The following TMEM117 variants were observed in gnomAD, a reference collection of about 807,000 sequenced individuals.
The protein encoded by TMEM117 is transmembrane protein 117.
TMEM117 carries 27 observed loss-of-function variants against 52.4 expected under a neutral mutation model. That is an observed-to-expected ratio of 0.51 (90% CI 0.38 to 0.71). The LOEUF (loss-of-function observed/expected upper bound fraction) is 0.71. Among genes scored for constraint, TMEM117 ranks in the 30% least tolerant of loss-of-function variants. TMEM117 has a pLI of 0.00. For synonymous variants in TMEM117, 215 were observed against 206.3 expected (o/e 1.04, Z -0.36); for missense variants, 556 against 630.5 (o/e 0.88, Z 1.26).
chr12:44,197,545 G>T (rs1486934182), intron 4 of TMEM117, among the ~76,000 whole-genome samples: 1 of 152,050 alleles, frequency 6.6e-6, no homozygotes, highest in East Asian at 1.9e-4. Flanking sequence ...CTGGCTTCTT[G>T]CTCAGCAAAA....
chr12:43,951,391 G>A (rs1200300557), intron 3 of TMEM117, among the ~76,000 whole-genome samples: 1 of 152,180 alleles, frequency 6.6e-6, no homozygotes, highest in Non-Finnish European at 1.5e-5. Context: ...AAGAACCACT[G>A]GCTTGAAATC....
At chr12:43,981,949 G>T (rs905145726) in intron 3 of TMEM117, among the ~76,000 whole-genome samples, 1 of 151,966 alleles carries the variant, frequency 6.6e-6, no homozygotes, top group African/African-American at 2.4e-5. Context: ...TTGCACAGTA[G>T]GGTCATGATG....
chr12:44,207,361 A>G (rs892475305), intron 4 of TMEM117, among the ~76,000 whole-genome samples: 4 of 152,188 alleles, frequency 2.6e-5, no homozygotes, highest in African/African-American at 7.2e-5. Context: ...CGTGGGAATT[A>G]GCTTGTAATC....
At chr12:44,090,582 A>G (rs1947649152) in intron 3 of TMEM117, among the ~76,000 whole-genome samples, 2 of 151,690 alleles carry the variant, frequency 1.3e-5, no homozygotes, top group Admixed American at 6.6e-5. Flanking sequence ...GATTACAGGC[A>G]TGTGCCACCA....
At chr12:44,319,133 C>G (rs1193401769) in intron 6 of TMEM117, among the ~76,000 whole-genome samples, 1 of 152,188 alleles carries the variant, frequency 6.6e-6, no homozygotes, top group Non-Finnish European at 1.5e-5. Flanking sequence ...TACTCAGCAC[C>G]AGAGCAAGCT....
intron 6 of TMEM117, among the ~76,000 whole-genome samples, chr12:44,344,304 G>A (rs1346998604): frequency 6.6e-6 from 1 of 152,120 alleles, no homozygotes; most frequent in African/African-American, 2.4e-5. Flanking sequence ...AGACTGAACA[G>A]ACACCCAGGG....
chr12:44,129,328 A>G (rs1948377558), intron 3 of TMEM117, among the ~76,000 whole-genome samples: 1 of 152,134 alleles, frequency 6.6e-6, no homozygotes, highest in Non-Finnish European at 1.5e-5. Context: ...ATTCTTCTGT[A>G]GCGCTGGGCC....
chr12:44,071,628 G>C (rs1405226008), intron 3 of TMEM117, among the ~76,000 whole-genome samples: 4 of 152,126 alleles, frequency 2.6e-5, no homozygotes, highest in Non-Finnish European at 4.4e-5. Context: ...ATCTAGTTGT[G>C]TTCTGCTTAT....
intron 4 of TMEM117, among the ~76,000 whole-genome samples, chr12:44,188,698 C>T (rs920915658): frequency 1.3e-5 from 2 of 152,120 alleles, no homozygotes; most frequent in Non-Finnish European, 2.9e-5. Flanking sequence ...TTGCAACCAT[C>T]CCCCTCCTCT....
rs1952131148 is a variant in TMEM117, at chr12:44,388,699, C to T, written c.*27C>T. 3 of 1,596,986 alleles carry T rather than the reference C, an allele frequency of 1.9e-6. No individual in the cohort carries two copies. The South Asian group carries it at 3.4e-5, about 18-fold the overall frequency. On this transcript the variant is annotated 3_prime_UTR_variant, in exon 8 of 8. Coordinates refer to ENST00000266534, the MANE Select transcript of TMEM117 (RefSeq NM_032256.3). Reference sequence around the variant, plus strand: ...CTCGGAGATAGACTTGGAGATAACACAAAAAGCAACCTTGAGTGTAACTTT... The same window carrying T: ...CTCGGAGATAGACTTGGAGATAACATAAAAAGCAACCTTGAGTGTAACTTT...
chr12:44,142,450 C>A (rs1309773039), intron 3 of TMEM117, among the ~76,000 whole-genome samples: 1 of 151,960 alleles, frequency 6.6e-6, no homozygotes, highest in Non-Finnish European at 1.5e-5. Context: ...GATAACAGAA[C>A]CATCTGAAAT....
intron 3 of TMEM117, among the ~76,000 whole-genome samples, chr12:44,056,125 G>A (rs971933087): frequency 1.5e-4 from 22 of 151,374 alleles, no homozygotes; most frequent in Admixed American, 3.3e-4. Flanking sequence ...TTAGAGATAC[G>A]TTCTTGCTCT....
chr12:43,808,871 G>A, the TMEM117 span, among the ~76,000 whole-genome samples: 3 of 149,646 alleles, frequency 2.0e-5, no homozygotes, highest in African/African-American at 7.4e-5. Context: ...CTGACTGACT[G>A]ATGCTCTGTG....
At chr12:43,974,566 G>A (rs763228735) in intron 3 of TMEM117, among the ~76,000 whole-genome samples, 39 of 152,212 alleles carry the variant, frequency 2.6e-4, no homozygotes, top group Middle Eastern at 3.4e-3. Flanking sequence ...CTGATAGTGA[G>A]AAGACTGCTC....
intron 2 of TMEM117, among the ~76,000 whole-genome samples, chr12:43,924,016 A>G (rs1242290950): frequency 1.2e-4 from 19 of 152,216 alleles, no homozygotes; most frequent in Admixed American, 1.2e-3. Flanking sequence ...CACAGAGCCT[A>G]GAACACAGCA....
At chr12:44,278,649 G>A (rs1015290117) in intron 5 of TMEM117, among the ~76,000 whole-genome samples, 7 of 152,074 alleles carry the variant, frequency 4.6e-5, no homozygotes, top group African/African-American at 1.7e-4. Flanking sequence ...CAATCAATGG[G>A]ATCTCTTTTC....
intron 2 of TMEM117, among the ~76,000 whole-genome samples, chr12:43,868,130 CTG>C (rs1943638218): frequency 6.6e-6 from 1 of 150,418 alleles, no homozygotes; most frequent in South Asian, 2.1e-4. Flanking sequence ...ACTCTGTCTG[CTG>C]TCTCTCTCCT....
intron 4 of TMEM117, among the ~76,000 whole-genome samples, chr12:44,160,292 TACAC>T (rs531611669): frequency 2.0e-5 from 3 of 152,024 alleles, no homozygotes; most frequent in African/African-American, 7.3e-5. Flanking sequence ...TATATATATA[TACAC>T]ACACACATAT....
intron 2 of TMEM117, among the ~76,000 whole-genome samples, chr12:43,866,423 A>G (rs907066432): frequency 2.0e-5 from 3 of 151,436 alleles, no homozygotes; most frequent in Admixed American, 6.6e-5. Flanking sequence ...AAAAAAAAAA[A>G]AAAAAGTTAT....
Sources: allele counts gnomAD v4.1 joint callset (sites outside exome capture counted in the v4.1 genomes callset), GRCh38; gene constraint gnomAD v4.1.1; transcripts MANE v1.5; gene names NCBI Gene and HGNC (gene_info 2026-07-23, HGNC 2026-07-21).